Variants in MAPK1IP1L observed in about 807,000 individuals in gnomAD.
MAPK1IP1L encodes MAPK-interacting and spindle-stabilizing protein-like.
Under a neutral mutation model 18.1 loss-of-function variants are expected in MAPK1IP1L, and 10 were observed. The observed-to-expected ratio is 0.55, with a 90% CI of 0.34 to 0.94. MAPK1IP1L has a LOEUF of 0.94. Ranked by LOEUF, MAPK1IP1L falls within the 40% of genes least tolerant of loss-of-function variation. MAPK1IP1L has a pLI of 0.02. For missense variants in MAPK1IP1L, 260 were observed against 318.2 expected (o/e 0.82, Z 1.39); for synonymous variants, 115 against 117.3 (o/e 0.98, Z 0.13).
At chr14:55,059,225 G>GAAAAAAAAAAAAAAAAAAAAAAAAATAAA (rs3078612) in intron 1 of MAPK1IP1L, among the ~76,000 whole-genome samples, 9 of 63,264 alleles carry the variant, frequency 1.4e-4, no homozygotes, top group African/African-American at 2.3e-4. Context: ...AGGAAAATCT[G>GAAAAAAAAAAAAAAAAAAAAAAAAATAAA]AAAAAAAAAA....
In MAPK1IP1L at chr14:55,063,053, C is replaced by A; in HGVS notation, c.454C>A (p.Pro152Thr). ...TCCATGGGGATCCATGTCTTCTGGA[C>A]CTTGGGCGCCAGGAATGGGAGGGCA... is the stretch of plus-strand genomic sequence containing the variant. ...LGPWGSMSSG[P>T]WAPGMGGQYP... The change falls in exon 3 of 4, where the codon CCT becomes ACT. Residue 152 changes from proline (P) to threonine (T), a missense_variant. Transcript: ENST00000395468. 2.5e-6 allele frequency: 4 copies of A among 1,613,872 alleles called. No individual in the cohort carries two copies. The highest frequency in any genetic ancestry group is 3.4e-6 in the Non-Finnish European group (4 of 1,179,948).
At chr14:55,055,191 T>C (rs558265967) in intron 1 of MAPK1IP1L, among the ~76,000 whole-genome samples, 3 of 151,930 alleles carry the variant, frequency 2.0e-5, no homozygotes, top group Non-Finnish European at 2.9e-5. Context: ...GTCTCTTAAC[T>C]ACTGGCCTCA....
intron 1 of MAPK1IP1L, among the ~76,000 whole-genome samples, chr14:55,059,158 C>G (rs1304755011): frequency 7.5e-6 from 1 of 132,666 alleles, no homozygotes; most frequent in Non-Finnish European, 1.5e-5. Context: ...CATTTCCAAC[C>G]AGAATGCTAA....
chr14:55,059,202 A>T (rs2140259168), intron 1 of MAPK1IP1L, among the ~76,000 whole-genome samples: 1 of 148,782 alleles, frequency 6.7e-6, no homozygotes, highest in Middle Eastern at 3.5e-3. Flanking sequence ...ATCTGGAAAA[A>T]ATAAAAATAC....
At chr14:55,054,469 A>G (rs1036270116) in intron 1 of MAPK1IP1L, among the ~76,000 whole-genome samples, 5 of 152,298 alleles carry the variant, frequency 3.3e-5, no homozygotes, top group Non-Finnish European at 5.9e-5. Flanking sequence ...AGTACGATAC[A>G]TATCATCCCC....
chr14:55,058,452 G>T (rs987708702), intron 1 of MAPK1IP1L, among the ~76,000 whole-genome samples: 1 of 152,158 alleles, frequency 6.6e-6, no homozygotes, highest in Non-Finnish European at 1.5e-5. Flanking sequence ...TAAAAGAAAT[G>T]TATATAGGAG....
rs559628420 is a variant in MAPK1IP1L, at chr14:55,065,262, C to T, written c.*635C>T. On this transcript the variant is annotated 3_prime_UTR_variant, in exon 4 of 4. Coordinates refer to ENST00000395468, the MANE Select transcript of MAPK1IP1L (RefSeq NM_144578.4). ...TTTTATTTTTAGTCATTGGGTCATA[C>T]AGCACTAAAGTCTGCTATTTATGGA... 2.6e-4 allele frequency: 39 copies of T among 152,332 alleles called. No individual in the cohort carries two copies. Among genetic ancestry groups the T allele is most frequent in the African/African-American group, 8.9e-4 (37 of 41,570 alleles). The allele number at this position is 152,332 out of a possible 1,614,324, so 9.4% of individuals were successfully genotyped here.
At chr14:55,055,524 A>G (rs1175079161) in intron 1 of MAPK1IP1L, among the ~76,000 whole-genome samples, 1 of 152,166 alleles carries the variant, frequency 6.6e-6, no homozygotes, top group Admixed American at 6.5e-5. Context: ...AATAACCAAG[A>G]TGGGCTGATA....
At chr14:55,057,070 T>C (rs1444513022) in intron 1 of MAPK1IP1L, among the ~76,000 whole-genome samples, 3 of 152,202 alleles carry the variant, frequency 2.0e-5, no homozygotes, top group Non-Finnish European at 4.4e-5. Context: ...TAGGAATAAA[T>C]AATAGCATAG....
chr14:55,062,632 A>G lies in MAPK1IP1L; in HGVS notation c.33A>G (p.Leu11=). 6.2e-7 allele frequency: 1 copy of G among 1,612,732 alleles called. No individual in the cohort carries two copies. The highest frequency in any genetic ancestry group is 8.5e-7 in the Non-Finnish European group (1 of 1,179,214). The change falls in exon 3 of 4, where the codon CTA becomes CTG. Residue 11 remains leucine (L), a synonymous_variant. Transcript: ENST00000395468. ...TTGTGTTCCAGTTGGCAGATGCACTACCTGAACACTCCCCTGCCAAAACCT... is the reference window on the plus strand; with the variant it reads ...TTGTGTTCCAGTTGGCAGATGCACTGCCTGAACACTCCCCTGCCAAAACCT... MSDEFSLADA[L]PEHSPAKTSA...
chr14:55,064,290 A>T (rs1212229547), intron 3 of MAPK1IP1L, among the ~76,000 whole-genome samples: 3 of 151,292 alleles, frequency 2.0e-5, no homozygotes, highest in Non-Finnish European at 2.9e-5. Flanking sequence ...CACCATGCCC[A>T]GCCAGGAAAA....
intron 1 of MAPK1IP1L, among the ~76,000 whole-genome samples, chr14:55,056,549 A>T (rs1249846062): frequency 1.3e-5 from 2 of 152,090 alleles, no homozygotes; most frequent in Non-Finnish European, 2.9e-5. Context: ...TTGCACTGTC[A>T]CCCAGGCTGG....
rs1251157531 is a variant in MAPK1IP1L, at chr14:55,057,774, A to C, written c.-4-3906A>C. Among the ~76,000 whole-genome samples, 3 of 151,976 alleles carry C rather than the reference A, an allele frequency of 2.0e-5. No homozygotes were observed. The East Asian group carries it at 5.8e-4, about 29-fold the overall frequency. On this transcript the variant is annotated intron_variant, in intron 1 of 3. Transcript: ENST00000395468. ...CATCTCAAAAAAAAAAAAAAATTTAAATGATTTCTACTAAAAATTTTAAAA... is the reference window on the plus strand; with the variant it reads ...CATCTCAAAAAAAAAAAAAAATTTACATGATTTCTACTAAAAATTTTAAAA...
Position 55,064,658 on chromosome 14 carries a change from C to T in MAPK1IP1L, c.*31C>T. ...CAATGGACGAAGAGATGACGCTTTGCTTTTTGAAGTACATGTATATGCACA... is the reference window on the plus strand; with the variant it reads ...CAATGGACGAAGAGATGACGCTTTGTTTTTTGAAGTACATGTATATGCACA... On this transcript the variant is annotated 3_prime_UTR_variant, in exon 4 of 4. Coordinates refer to ENST00000395468, the MANE Select transcript of MAPK1IP1L (RefSeq NM_144578.4). 6.2e-7 allele frequency: 1 copy of T among 1,608,480 alleles called. No homozygotes were observed. Among genetic ancestry groups the T allele is most frequent in the South Asian group, 1.1e-5 (1 of 90,562 alleles).
rs754341524 is a variant in MAPK1IP1L, at chr14:55,051,728, C to A, written c.-80C>A. ...GCTCTAGCTGCCGTCAGTCAGGCTG[C>A]GCCCGCGTCTTCAGGGCCCAGTCCC... is the stretch of plus-strand genomic sequence containing the variant. On this transcript the variant is annotated 5_prime_UTR_variant, in exon 1 of 4. Coordinates refer to ENST00000395468, the MANE Select transcript of MAPK1IP1L (RefSeq NM_144578.4). The A allele has an allele frequency of 5.8e-6, 3 of 516,136 alleles. No homozygotes were observed. The highest frequency in any genetic ancestry group is 1.1e-4 in the East Asian group (2 of 18,166). The allele number at this position is 516,136 out of a possible 1,614,324, so 32.0% of individuals were successfully genotyped here. A position where few individuals can be genotyped will look rare whatever the true frequency, so the allele number is the denominator to read the frequency against.
Position 55,062,126 on chromosome 14 carries a change from A to G in MAPK1IP1L, c.18+425A>G, listed in dbSNP as rs149353011. ...TTCTGTTGTTCTCTTTTACCCTGAT[A>G]GTATTAATAGCCAACATTTATTAGA... is the stretch of plus-strand genomic sequence containing the variant. On this transcript the variant is annotated intron_variant, in intron 2 of 3. Transcript: ENST00000395468. 3.3e-4 allele frequency among the ~76,000 whole-genome samples: 51 copies of G among 152,368 alleles called. 1 individual carries two copies. The East Asian group carries it at 9.6e-3, about 29-fold the overall frequency.
chr14:55,063,840 C>T (rs1594627200), intron 3 of MAPK1IP1L: 1 of 152,804 alleles, frequency 6.5e-6, no homozygotes, highest in Non-Finnish European at 1.5e-5. Context: ...ATGCTTTATG[C>T]TTTACTGTCA....
chr14:55,053,993 A>G (rs1024494264), intron 1 of MAPK1IP1L, among the ~76,000 whole-genome samples: 13 of 152,116 alleles, frequency 8.5e-5, no homozygotes, highest in Non-Finnish European at 1.5e-4. Flanking sequence ...TTGAGCATCC[A>G]AAATCCAGAA....
rs1413832268 is a variant in MAPK1IP1L, at chr14:55,069,436, A to G, written c.*4809A>G. ...AATGTTGCTTTAAGAAGTAATTATA[A>G]TTAGGAATAGGCTATGGATGTGATA... On this transcript the variant is annotated 3_prime_UTR_variant, in exon 4 of 4. Coordinates refer to ENST00000395468, the MANE Select transcript of MAPK1IP1L (RefSeq NM_144578.4). 1 of 152,666 alleles carries G rather than the reference A, an allele frequency of 6.6e-6. No homozygotes were observed. The highest frequency in any genetic ancestry group is 1.5e-5 in the Non-Finnish European group (1 of 68,038). The allele number at this position is 152,666 out of a possible 1,614,324, so 9.5% of individuals were successfully genotyped here.
Sources: gnomAD v4.1 joint callset for allele counts (sites outside exome capture counted in the v4.1 genomes callset) on GRCh38, gnomAD v4.1.1 for gene constraint, MANE v1.5 for transcripts, NCBI Gene and HGNC (gene_info 2026-07-23, HGNC 2026-07-21) for gene names.